The following MALRD1 variants were observed in gnomAD, a reference collection of about 807,000 sequenced individuals.
MALRD1 encodes the protein MAM and LDL-receptor class A domain-containing protein 1.
A neutral mutation model predicts 242.1 loss-of-function variants in MALRD1; 247 were observed. The observed-to-expected ratio is 1.02, with a 90% CI of 0.92 to 1.13. MALRD1 has a LOEUF of 1.13. Ranked by LOEUF, MALRD1 falls within the 50% of genes most tolerant of loss-of-function variation. The pLI is 0.00. For missense variants in MALRD1, 2,989 were observed against 2,533.1 expected, an observed-to-expected ratio of 1.18 and a Z score of -3.86; for synonymous variants, 995 against 866.6, an observed-to-expected ratio of 1.15 and a Z score of -2.60.
intron 24 of MALRD1, among the ~76,000 whole-genome samples, chr10:19,346,300 G>A (rs1215871384): frequency 6.6e-6 from 1 of 152,134 alleles, no homozygotes; most frequent in African/African-American, 2.4e-5. Flanking sequence ...ATTTGTCCAG[G>A]AATTACCATA....
chr10:19,125,891 T>C (rs1343110256), intron 7 of MALRD1, among the ~76,000 whole-genome samples: 2 of 152,138 alleles, frequency 1.3e-5, no homozygotes, highest in Non-Finnish European at 2.9e-5. Flanking sequence ...GCTTTCCTTC[T>C]TGGTTCCCTT....
intron 28 of MALRD1, among the ~76,000 whole-genome samples, chr10:19,427,057 A>G (rs1361289782): frequency 6.6e-6 from 1 of 152,140 alleles, no homozygotes; most frequent in African/African-American, 2.4e-5. Flanking sequence ...TAATTTTTAC[A>G]TGAATTTTCT....
At chr10:19,215,093 T>G (rs1430035861) in intron 18 of MALRD1, among the ~76,000 whole-genome samples, 2 of 152,190 alleles carry the variant, frequency 1.3e-5, no homozygotes, top group African/African-American at 4.8e-5. Flanking sequence ...ACTTCCACCT[T>G]TTGGTAGCCA....
chr10:19,087,790 T>C (rs2131296510), intron 2 of MALRD1, 50 bp from the exon 3 acceptor site: 2 of 925,658 alleles, frequency 2.2e-6, no homozygotes, highest in South Asian at 5.5e-5. Context: ...TAGTAGGTCT[T>C]ATTCATTCTT....
rs553741144 is a variant in MALRD1 at position 19,136,658 on chromosome 10, T to A, written c.1288T>A (p.Ser430Thr). The change falls in exon 10 of 40, where the codon TCC (serine) becomes ACC (threonine). Residue 430 changes from serine (S) to threonine (T), a missense_variant. Ser to Thr is a moderately conservative substitution (Grantham distance 58). Coordinates refer to ENST00000454679, the MANE Select transcript of MALRD1 (RefSeq NM_001142308.3). The stretch of plus-strand genomic sequence containing the variant: ...GGTCTATGCCTGTGGACAGACCCAA[T>A]CCAGAAAGCTTTGCTCTGCAGACGA... The part of the protein sequence containing the change: ...LWVYACGQTQ[S>T]RKLCSADEFP... The A allele has an allele frequency of 1.0e-3, 1,226 of 1,231,648 alleles. 1 individual carries two copies. Among genetic ancestry groups the A allele is most frequent in the Non-Finnish European group, 1.2e-3 (1,156 of 987,934 alleles). 76.3% of individuals were successfully genotyped at this position (1,231,648 alleles called of 1,614,324 possible).
At chr10:19,293,443 T>G (rs1428953140) in intron 21 of MALRD1, among the ~76,000 whole-genome samples, 1 of 152,256 alleles carries the variant, frequency 6.6e-6, no homozygotes, top group Non-Finnish European at 1.5e-5. Context: ...TTTTAGATTG[T>G]CCTTGAGTTA....
chr10:19,143,146 AT>A (rs1046880567), intron 10 of MALRD1, among the ~76,000 whole-genome samples: 1 of 152,226 alleles, frequency 6.6e-6, no homozygotes, highest in Non-Finnish European at 1.5e-5. Flanking sequence ...AATGATTGAC[AT>A]TTTTTAACCA....
Position 19,209,540 on chromosome 10 carries a change from G to T in MALRD1, c.2851G>T (p.Gly951Ter). The change falls in exon 18 of 40, where the codon GGA becomes TGA. Residue 951 changes from glycine to a stop codon, truncating the protein, a stop_gained. Coordinates refer to ENST00000454679, the MANE Select transcript of MALRD1 (RefSeq NM_001142308.3). LOFTEE classifies it high-confidence loss of function. ...CTFRFYYHMFGKRIYRLAIYQ... is the reference protein window; with the variant it reads ...CTFRFYYHMF ...CTTCCGCTTCTATTACCACATGTTTGGAAAGCGCATTTATAGGTTGGCAAT... is the reference window on the plus strand; with the variant it reads ...CTTCCGCTTCTATTACCACATGTTTTGAAAGCGCATTTATAGGTTGGCAAT... 1.3e-6 allele frequency: 2 copies of T among 1,550,754 alleles called. No individual in the cohort carries two copies. Among genetic ancestry groups the T allele is most frequent in the South Asian group, 2.4e-5 (2 of 84,060 alleles).
At chr10:19,442,714 G>C (rs768323800) in intron 28 of MALRD1, among the ~76,000 whole-genome samples, 3 of 152,068 alleles carry the variant, frequency 2.0e-5, no homozygotes, top group African/African-American at 4.8e-5. Context: ...CGCTGGGTTC[G>C]TTTTGCCAGT....
chr10:19,293,748 C>G (rs1035042310), intron 21 of MALRD1, among the ~76,000 whole-genome samples: 7 of 151,580 alleles, frequency 4.6e-5, no homozygotes, highest in Non-Finnish European at 8.9e-5. Flanking sequence ...ACACTGTGAC[C>G]TATTTGAGGG....
In MALRD1 at chr10:19,387,790, T is replaced by G; in HGVS notation, c.4687+17T>G. 1 of 1,539,882 alleles carries G rather than the reference T, an allele frequency of 6.5e-7. No individual in the cohort carries two copies. Reference sequence around the variant, plus strand: ...ATGAAAATGGTAGGTTATTAGATTGTTGTAATTGCTTTCACATGATTTTCA... The same window carrying G: ...ATGAAAATGGTAGGTTATTAGATTGGTGTAATTGCTTTCACATGATTTTCA... On this transcript the variant is annotated intron_variant, in intron 27 of 39. Transcript: ENST00000454679.
chr10:19,225,233 A>G (rs1837742104), intron 18 of MALRD1, among the ~76,000 whole-genome samples: 1 of 152,176 alleles, frequency 6.6e-6, no homozygotes, highest in African/African-American at 2.4e-5. Flanking sequence ...GGTTGAGAAT[A>G]TTTACTGATC....
intron 28 of MALRD1, among the ~76,000 whole-genome samples, chr10:19,406,451 A>C (rs1284048692): frequency 6.6e-6 from 1 of 152,074 alleles, no homozygotes; most frequent in Non-Finnish European, 1.5e-5. Flanking sequence ...ATGGGTGTTC[A>C]TTAAACTTCA....
At chr10:19,718,482 C>G (rs1372516767) in intron 38 of MALRD1, among the ~76,000 whole-genome samples, 2 of 152,190 alleles carry the variant, frequency 1.3e-5, no homozygotes, top group African/African-American at 4.8e-5. Context: ...ATCACATGAA[C>G]TCAACGCAAG....
intron 21 of MALRD1, among the ~76,000 whole-genome samples, chr10:19,295,507 G>A (rs190534417): frequency 1.2e-3 from 175 of 151,496 alleles, no homozygotes; most frequent in African/African-American, 4.0e-3. Context: ...CCCTTGGCTT[G>A]GTTTGAAGTG....
chr10:19,233,499 T>C (rs1382022334), intron 18 of MALRD1, among the ~76,000 whole-genome samples: 1 of 152,014 alleles, frequency 6.6e-6, no homozygotes, highest in East Asian at 1.9e-4. Context: ...TGAAACTCCA[T>C]GTCAAAAACA....
At chr10:19,397,485 C>A (rs959838448) in intron 28 of MALRD1, among the ~76,000 whole-genome samples, 1 of 151,944 alleles carries the variant, frequency 6.6e-6, no homozygotes, top group African/African-American at 2.4e-5. Flanking sequence ...TCCATTTATT[C>A]ATTTTTGGAC....
chr10:19,187,082 T>C (rs548937318), intron 14 of MALRD1, among the ~76,000 whole-genome samples: 110 of 152,332 alleles, frequency 7.2e-4, no homozygotes, highest in African/African-American at 2.4e-3. Context: ...TTAGTTAATT[T>C]ATGTAGTATA....
chr10:19,629,148 A>G (rs1430498691), intron 36 of MALRD1, among the ~76,000 whole-genome samples: 7 of 152,154 alleles, frequency 4.6e-5, no homozygotes, highest in African/African-American at 1.7e-4. Context: ...GCCTCGTGAT[A>G]TGTTTGTACA....
Sources: allele counts gnomAD v4.1 joint callset (sites outside exome capture counted in the v4.1 genomes callset), GRCh38; gene constraint gnomAD v4.1.1; transcripts MANE v1.5; gene names NCBI Gene and HGNC (gene_info 2026-07-23, HGNC 2026-07-21).